Variants in MCPH1 observed in about 807,000 individuals in gnomAD.
MCPH1 encodes the protein microcephalin 1.
A neutral mutation model predicts 84.5 loss-of-function variants in MCPH1; 104 were observed. The ratio of observed to expected loss-of-function variants is 1.23; its 90% CI spans 1.05 to 1.45. The LOEUF (loss-of-function observed/expected upper bound fraction) is 1.45. MCPH1 is among the 40% of genes most tolerant of loss of function. MCPH1 has a pLI of 0.00. For synonymous variants in MCPH1, 514 were observed against 366.8 expected (o/e 1.40, Z -4.58); for missense variants, 1,498 against 1,005.7 (o/e 1.49, Z -6.62).
chr8:6,556,619 A>AT (rs149416791), intron 12 of MCPH1, among the ~76,000 whole-genome samples: 60 of 149,836 alleles, frequency 4.0e-4, no homozygotes, highest in South Asian at 2.1e-3. Context: ...GTCTTTTTTT[A>AT]TTTTTTTTTC....
At chr8:6,419,288 C>T (rs975075182) in intron 3 of MCPH1, among the ~76,000 whole-genome samples, 2 of 152,126 alleles carry the variant, frequency 1.3e-5, no homozygotes, top group Non-Finnish European at 2.9e-5. Context: ...GACTCAGTTG[C>T]AGCTTACTGC....
At chr8:6,542,971 C>T (rs938315369) in intron 12 of MCPH1, among the ~76,000 whole-genome samples, 2 of 152,074 alleles carry the variant, frequency 1.3e-5, no homozygotes, top group Admixed American at 6.6e-5. Context: ...CGGCAGGAAG[C>T]GTGTGTTGTT....
At chr8:6,626,474 G>GTTTTTTTTTTTTTTTTT (rs71213328) in intron 13 of MCPH1, 148 of 924,060 alleles carry the variant, frequency 1.6e-4, no homozygotes, top group East Asian at 1.2e-3. Context: ...TTTTTGTTTT[G>GTTTTTTTTTTTTTTTTT]TTTTTTTTTT....
intron 12 of MCPH1, chr8:6,619,123 C>T (rs918984794): frequency 5.3e-5 from 8 of 151,926 alleles, no homozygotes; most frequent in African/African-American, 1.9e-4. Context: ...GTGATTAGCT[C>T]AGACCCATCC....
chr8:6,625,536 A>G lies in MCPH1; in HGVS notation c.2452+3845A>G, dbSNP rs530423217. The G allele has an allele frequency of 3.1e-4, 305 of 969,960 alleles. 2 individuals carry two copies. The African/African-American group carries it at 3.8e-3, about 12-fold the overall frequency. 60.1% of individuals were successfully genotyped at this position (969,960 alleles called of 1,614,324 possible). A position where few individuals can be genotyped will look rare whatever the true frequency, so the allele number is the denominator to read the frequency against. On this transcript the variant is annotated intron_variant, in intron 13 of 13. Transcript: ENST00000344683. ...AATCGAAAAAGAAGTTATTTTGTTT[A>G]AATAAATTAAATTATGAAAAGACAA... is the stretch of plus-strand genomic sequence containing the variant.
rs76260661 is a variant in MCPH1 at position 6,465,808 on chromosome 8, G to C, written c.1935+10556G>C. Among the ~76,000 whole-genome samples the C allele has an allele frequency of 9.7e-3, 1,472 of 152,294 alleles. 15 individuals are homozygous for C. The highest frequency in any genetic ancestry group is 0.017 in the Non-Finnish European group (1,147 of 68,030). ...TAAGGTAGACACACAGAAATGCACA[G>C]CTGTACGTATTTGTCTTGAAGGCTA... On this transcript the variant is annotated intron_variant, in intron 9 of 13. Transcript: ENST00000344683.
chr8:6,619,413 C>G (rs1265662094), intron 12 of MCPH1, among the ~76,000 whole-genome samples: 1 of 152,110 alleles, frequency 6.6e-6, no homozygotes, highest in African/African-American at 2.4e-5. Context: ...GCCTCAGCCT[C>G]CCGAGTAGCT....
chr8:6,479,924 G>A (rs1045056334), intron 10 of MCPH1, among the ~76,000 whole-genome samples: 2 of 152,076 alleles, frequency 1.3e-5, no homozygotes, highest in African/African-American at 4.8e-5. Context: ...TTAATAAAAA[G>A]GGTCTTTTTT....
intron 13 of MCPH1, chr8:6,635,023 AC>A (rs1797441423): frequency 6.6e-6 from 1 of 152,162 alleles, no homozygotes; most frequent in Non-Finnish European, 1.5e-5. Context: ...GCCTGGCGTG[AC>A]CTCTGGCCTA....
At chr8:6,523,306 T>C (rs931263268) in intron 12 of MCPH1, among the ~76,000 whole-genome samples, 5 of 152,076 alleles carry the variant, frequency 3.3e-5, no homozygotes, top group East Asian at 1.9e-4. Context: ...AGAAAAGCTT[T>C]TTAAAAATTA....
chr8:6,491,665 C>A (rs1810609548), intron 11 of MCPH1, among the ~76,000 whole-genome samples: 1 of 151,588 alleles, frequency 6.6e-6, no homozygotes, highest in Non-Finnish European at 1.5e-5. Flanking sequence ...GTGATGTTCC[C>A]CTTCCTGTGT....
intron 3 of MCPH1, among the ~76,000 whole-genome samples, chr8:6,422,616 A>G (rs1214510767): frequency 6.6e-6 from 1 of 152,102 alleles, no homozygotes; most frequent in Non-Finnish European, 1.5e-5. Flanking sequence ...TCTGCCCACC[A>G]CTAACCCCAG....
chr8:6,625,865 A>AAACTC, intron 13 of MCPH1: 1 of 985,422 alleles, frequency 1.0e-6, no homozygotes, highest in Non-Finnish European at 1.2e-6. Flanking sequence ...CAGATGTCGT[A>AAACTC]AACTCACAGG....
intron 12 of MCPH1, among the ~76,000 whole-genome samples, chr8:6,528,896 G>A (rs1274740517): frequency 6.6e-6 from 1 of 152,184 alleles, no homozygotes; most frequent in Non-Finnish European, 1.5e-5. Context: ...AAAGTCTTCT[G>A]TGAGAATAAA....
intron 13 of MCPH1, among the ~76,000 whole-genome samples, chr8:6,639,939 A>G (rs954325182): frequency 2.6e-5 from 4 of 151,976 alleles, no homozygotes; most frequent in East Asian, 1.9e-4. Flanking sequence ...AGATGTCACT[A>G]TGTTGCCCAG....
At chr8:6,471,645 T>A (rs893252679) in intron 9 of MCPH1, among the ~76,000 whole-genome samples, 2 of 152,230 alleles carry the variant, frequency 1.3e-5, no homozygotes, top group African/African-American at 4.8e-5. Context: ...CATTAATTTT[T>A]GTTCCACTTG....
intron 12 of MCPH1, chr8:6,532,439 G>T: frequency 6.2e-7 from 1 of 1,613,912 alleles, no homozygotes; most frequent in South Asian, 1.1e-5. Context: ...GCATTCTGCT[G>T]TATCTCTACC....
At chr8:6,409,409 T>G in intron 2 of MCPH1, 39 bp downstream of exon 2, 1 of 1,464,492 alleles carries the variant, frequency 6.8e-7, no homozygotes, top group South Asian at 1.1e-5. Context: ...TATGACAGTC[T>G]TCTGATTGGT....
At chr8:6,625,212 G>T (rs2129581363) in intron 13 of MCPH1, 1 of 985,400 alleles carries the variant, frequency 1.0e-6, no homozygotes, top group African/African-American at 1.7e-5. Context: ...TTTACTTCAT[G>T]TATAAAACAG....
Sources: allele counts gnomAD v4.1 joint callset (sites outside exome capture counted in the v4.1 genomes callset), GRCh38; gene constraint gnomAD v4.1.1; transcripts MANE v1.5; gene names NCBI Gene and HGNC (gene_info 2026-07-23, HGNC 2026-07-21).